TNKS: variants seen among roughly 807,000 people sequenced by gnomAD.
TNKS encodes the protein tankyrase.
TNKS carries 72 observed loss-of-function variants against 135.8 expected under a neutral mutation model. The observed-to-expected ratio is 0.53, with a 90% CI of 0.44 to 0.64. The LOEUF (loss-of-function observed/expected upper bound fraction) is 0.64, where lower values mean the gene tolerates loss of function less well. TNKS is among the 30% of genes least tolerant of loss of function. TNKS has a pLI of 0.00. For missense variants in TNKS, 1,769 were observed against 1,674.0 expected, an observed-to-expected ratio of 1.06 and a Z score of -0.99; for synonymous variants, 849 against 649.3, an observed-to-expected ratio of 1.31 and a Z score of -4.68.
chr8:9,574,070 G>T (rs1797855521), intron 1 of TNKS, among the ~76,000 whole-genome samples: 1 of 152,168 alleles, frequency 6.6e-6, no homozygotes, highest in African/African-American at 2.4e-5. Flanking sequence ...AAGGAAAATT[G>T]TTAAGTATAT....
At chr8:9,698,341 G>A (rs1250850107) in intron 5 of TNKS, among the ~76,000 whole-genome samples, 1 of 127,396 alleles carries the variant, frequency 7.8e-6, no homozygotes, top group Non-Finnish European at 1.6e-5. Context: ...ACCTGCACAT[G>A]GCCCCCTGTA....
chr8:9,595,480 A>G (rs1349349895), intron 2 of TNKS, among the ~76,000 whole-genome samples: 1 of 152,056 alleles, frequency 6.6e-6, no homozygotes, highest in African/African-American at 2.4e-5. Context: ...AGGTTAGAGT[A>G]GTGTGCATTT....
chr8:9,633,329 A>G (rs1800369681), intron 3 of TNKS, among the ~76,000 whole-genome samples: 1 of 152,242 alleles, frequency 6.6e-6, no homozygotes, highest in Non-Finnish European at 1.5e-5. Flanking sequence ...GTGCCCAAAT[A>G]TAGGAGACTG....
At chr8:9,769,394 C>G (rs964251250) in intron 25 of TNKS, among the ~76,000 whole-genome samples, 1 of 152,156 alleles carries the variant, frequency 6.6e-6, no homozygotes, top group African/African-American at 2.4e-5. Flanking sequence ...TACATTTAAG[C>G]TAAGTACTTT....
chr8:9,708,187 T>C (rs1173803393), intron 8 of TNKS, among the ~76,000 whole-genome samples, 184 bp from the exon 9 acceptor site: 2 of 152,196 alleles, frequency 1.3e-5, no homozygotes, highest in African/African-American at 4.8e-5. Flanking sequence ...TTTCAGAGCA[T>C]ACATACTTCA....
At chr8:9,772,842 T>C (rs1323908925) in intron 26 of TNKS, among the ~76,000 whole-genome samples, 1 of 138,320 alleles carries the variant, frequency 7.2e-6, no homozygotes, top group Non-Finnish European at 1.5e-5. Flanking sequence ...TGTGTGTGTG[T>C]GTGTGTGTGT....
At chr8:9,558,634 C>G (rs983090374) in intron 1 of TNKS, 5 of 152,100 alleles carry the variant, frequency 3.3e-5, no homozygotes, top group Non-Finnish European at 7.4e-5. Context: ...AATCACGTGT[C>G]TTCTATTTGC....
intron 1 of TNKS, among the ~76,000 whole-genome samples, chr8:9,565,918 G>A (rs1797513803): frequency 1.3e-5 from 2 of 152,060 alleles, no homozygotes; most frequent in Admixed American, 1.3e-4. Flanking sequence ...TTGTTAAAGT[G>A]TGTGTATACA....
chr8:9,626,370 G>A (rs981014512), intron 3 of TNKS, among the ~76,000 whole-genome samples: 9 of 152,048 alleles, frequency 5.9e-5, no homozygotes, highest in Non-Finnish European at 1.5e-5. Context: ...TTTTTGAATT[G>A]GTATACTTAG....
chr8:9,759,969 C>A (rs1034356141), intron 20 of TNKS, among the ~76,000 whole-genome samples: 1 of 150,568 alleles, frequency 6.6e-6, no homozygotes, highest in East Asian at 1.9e-4. Flanking sequence ...CAGAGCGAGA[C>A]TCTGTCTCAA....
intron 5 of TNKS, among the ~76,000 whole-genome samples, chr8:9,681,687 G>T (rs182422807): frequency 6.6e-6 from 1 of 151,894 alleles, no homozygotes; most frequent in Non-Finnish European, 1.5e-5. Context: ...AAAATGTTAC[G>T]GCAAATATCA....
intron 12 of TNKS, among the ~76,000 whole-genome samples, chr8:9,726,346 C>T (rs961956854): frequency 6.6e-6 from 1 of 152,088 alleles, no homozygotes; most frequent in Non-Finnish European, 1.5e-5. Flanking sequence ...ACTGTGATCA[C>T]GCCACTGCAC....
At chr8:9,634,080 C>CATATAT (rs35243166) in intron 3 of TNKS, among the ~76,000 whole-genome samples, 7 of 142,190 alleles carry the variant, frequency 4.9e-5, no homozygotes, top group South Asian at 4.4e-4. Context: ...CATTTAACTG[C>CATATAT]ATATATATAT....
At chr8:9,767,099 C>G (rs1032584517) in intron 25 of TNKS, among the ~76,000 whole-genome samples, 1 of 152,168 alleles carries the variant, frequency 6.6e-6, no homozygotes, top group African/African-American at 2.4e-5. Context: ...AATGAAGACA[C>G]ACTTCTATAA....
chr8:9,609,250 G>A (rs1799353954), intron 2 of TNKS, among the ~76,000 whole-genome samples: 1 of 152,100 alleles, frequency 6.6e-6, no homozygotes, highest in South Asian at 2.1e-4. Flanking sequence ...GATTATTTAT[G>A]TGCCTCATTA....
chr8:9,667,610 T>A lies in TNKS; in HGVS notation c.995-12341T>A, dbSNP rs144948992. Reference sequence around the variant, plus strand: ...GTGATTATTGTGTATGATTGCATTTTATCCTTCATAGTCTGTCATTGATTT... The same window carrying A: ...GTGATTATTGTGTATGATTGCATTTAATCCTTCATAGTCTGTCATTGATTT... On this transcript the variant is annotated intron_variant, in intron 3 of 26. Coordinates refer to ENST00000310430, the MANE Select transcript of TNKS (RefSeq NM_003747.3). Among the ~76,000 whole-genome samples the A allele has an allele frequency of 4.8e-4, 73 of 152,370 alleles. No homozygotes were observed. The East Asian group carries it at 0.013, about 27-fold the overall frequency.
chr8:9,628,930 C>G (rs1183423933), intron 3 of TNKS, among the ~76,000 whole-genome samples: 2 of 152,176 alleles, frequency 1.3e-5, no homozygotes, highest in Non-Finnish European at 2.9e-5. Context: ...CCCGGTTGCT[C>G]CAGCCAAAAA....
At chr8:9,572,887 T>C (rs1016374056) in intron 1 of TNKS, among the ~76,000 whole-genome samples, 1 of 152,188 alleles carries the variant, frequency 6.6e-6, no homozygotes, top group Non-Finnish European at 1.5e-5. Flanking sequence ...TTTAAACTCA[T>C]AGGTATTGCA....
rs557794365 is a variant in TNKS at position 9,779,869 on chromosome 8, G to C, written c.*3133G>C. The stretch of plus-strand genomic sequence containing the variant: ...TTTTCCTTTTCCTTCTTGGAGTTTG[G>C]AATTTCTAGCTTTTCAAGCAGCATA... On this transcript the variant is annotated 3_prime_UTR_variant, in exon 27 of 27. Transcript: ENST00000310430. 2.0e-5 allele frequency: 3 copies of C among 152,138 alleles called. No homozygotes were observed. The highest frequency in any genetic ancestry group is 4.4e-5 in the Non-Finnish European group (3 of 68,030). The allele number at this position is 152,138 out of a possible 1,614,324, so 9.4% of individuals were successfully genotyped here.
Sources: gnomAD v4.1 joint callset for allele counts (sites outside exome capture counted in the v4.1 genomes callset) on GRCh38, gnomAD v4.1.1 for gene constraint, MANE v1.5 for transcripts, NCBI Gene and HGNC (gene_info 2026-07-23, HGNC 2026-07-21) for gene names.